The following BUB1 variants were observed in gnomAD, a reference collection of about 807,000 sequenced individuals.
The protein encoded by BUB1 is mitotic checkpoint serine/threonine-protein kinase BUB1.
A neutral mutation model predicts 135.2 loss-of-function variants in BUB1; 84 were observed. The observed-to-expected ratio is 0.62, with a 90% CI of 0.52 to 0.74. The LOEUF (loss-of-function observed/expected upper bound fraction) is 0.74, where lower values mean the gene tolerates loss of function less well. BUB1 is among the 30% of genes least tolerant of loss of function. The pLI is 0.00. For synonymous variants in BUB1, 403 were observed against 434.4 expected, an observed-to-expected ratio of 0.93 and a Z score of 0.90; for missense variants, 1,162 against 1,288.3, an observed-to-expected ratio of 0.90 and a Z score of 1.50.
At chr2:110,661,386 A>G (rs963476463) in intron 10 of BUB1, 196 bp downstream of exon 10, 3 of 620,998 alleles carry the variant, frequency 4.8e-6, no homozygotes, top group Admixed American at 7.0e-5. Context: ...ATATTCTAAA[A>G]GAAGCATGGA....
At chr2:110,657,715 C>CT in intron 13 of BUB1, 70 bp from the exon 14 acceptor site, 3 of 1,123,866 alleles carry the variant, frequency 2.7e-6, no homozygotes, top group Middle Eastern at 2.4e-4. Flanking sequence ...TAAACTTCAA[C>CT]TACAAATAAG....
chr2:110,656,981 G>T lies in BUB1; in HGVS notation c.1698+55C>A. 5.2e-6 allele frequency: 7 copies of T among 1,339,084 alleles called. No homozygotes were observed. The South Asian group carries it at 7.8e-5, about 15-fold the overall frequency. The allele number at this position is 1,339,084 out of a possible 1,614,324, so 83.0% of individuals were successfully genotyped here. ...CTCTGACTGGCATAATCATTTGGTA[G>T]AATAAAGCGGATGGGTTGTAGGACC... On this transcript the variant is annotated intron_variant, in intron 15 of 24. Transcript: ENST00000302759.
At chr2:110,661,442 T>G in intron 10 of BUB1, 140 bp downstream of exon 10, 1 of 1,118,856 alleles carries the variant, frequency 8.9e-7, no homozygotes, top group Non-Finnish European at 1.2e-6. Flanking sequence ...CCACTTGCTT[T>G]TTCAACAACA....
chr2:110,655,818 G>A lies in BUB1; in HGVS notation c.1797C>T (p.Asp599=). ...ACGCAAGTTGTGCAGCAGATGTGAA[G>A]TCTCCTGGGCTCTTAGGACTGGGTG... is the stretch of plus-strand genomic sequence containing the variant. The part of the protein sequence containing the change: ...TLAPSPKSPG[D]FTSAAQLAST... Residue 599 remains aspartate, a synonymous_variant, in exon 16 of 25, where the codon GAC becomes GAT. Transcript: ENST00000302759. 6.2e-7 allele frequency: 1 copy of A among 1,613,940 alleles called. No individual in the cohort carries two copies. The highest frequency in any genetic ancestry group is 8.5e-7 in the Non-Finnish European group (1 of 1,179,900).
rs1333428473 is a variant in BUB1, at chr2:110,655,899, A to G, written c.1716T>C (p.Ala572=). The G allele has an allele frequency of 1.2e-6, 2 of 1,613,528 alleles. No individual in the cohort carries two copies. The highest frequency in any genetic ancestry group is 1.1e-5 in the South Asian group (1 of 91,032). Residue 572 remains alanine, a synonymous_variant, in exon 16 of 25, where the codon GCT becomes GCC. Transcript: ENST00000302759. ...PSKPKEEVPH[A]EEFLDDSTVW... The stretch of plus-strand genomic sequence containing the variant: ...CAGTTGAGTCATCCAAAAACTCTTC[A>G]GCATGAGGCACTTCCTCCTATAACA...
At chr2:110,661,899 A>C (rs1690111708) in intron 9 of BUB1, 58 bp from the exon 10 acceptor site, 1 of 1,573,380 alleles carries the variant, frequency 6.4e-7, no homozygotes, top group African/African-American at 1.4e-5. Context: ...GAATACTACT[A>C]ATCAGGCATT....
chr2:110,644,058 C>CAAAAAAAAAAAAAAAAAAAAAAAAAGA (rs58393999), intron 19 of BUB1, among the ~76,000 whole-genome samples: 21 of 39,650 alleles, frequency 5.3e-4, no homozygotes, highest in East Asian at 7.7e-4. Flanking sequence ...AACTGAAATG[C>CAAAAAAAAAAAAAAAAAAAAAAAAAGA]AAAAAAAAAA....
chr2:110,645,295 G>A (rs1017565964), intron 19 of BUB1, among the ~76,000 whole-genome samples: 18 of 151,928 alleles, frequency 1.2e-4, no homozygotes, highest in Admixed American at 2.6e-4. Context: ...TTAGCTGGGC[G>A]TGGTGGTGTG....
chr2:110,662,225 G>T (rs1034814709), intron 9 of BUB1, among the ~76,000 whole-genome samples: 2 of 152,088 alleles, frequency 1.3e-5, no homozygotes, highest in South Asian at 4.2e-4. Flanking sequence ...AATACCCTTA[G>T]ATTGGTATAT....
chr2:110,638,155 G>GA lies in BUB1; in HGVS notation c.3066dup (p.Pro1023SerfsTer8). 1 of 1,590,370 alleles carries GA rather than the reference G, an allele frequency of 6.3e-7. No homozygotes were observed. The highest frequency in any genetic ancestry group is 8.6e-7 in the Non-Finnish European group (1 of 1,169,312). Reference sequence around the variant, plus strand: ...AATTCATTCCACATATCCAAATGAGGAAGCCTGAAAAAGACAAAGCATAAA... The same window carrying GA: ...AATTCATTCCACATATCCAAATGAGGAAAGCCTGAAAAAGACAAAGCATAAA... On this transcript the variant is annotated frameshift_variant, in exon 25 of 25. Coordinates refer to ENST00000302759, the MANE Select transcript of BUB1 (RefSeq NM_004336.5). LOFTEE classifies it high-confidence loss of function.
Position 110,649,353 on chromosome 2 carries a change from TC to T in BUB1, c.2227del (p.Asp743MetfsTer4). The T allele has an allele frequency of 6.3e-7, 1 of 1,585,790 alleles. No individual in the cohort carries two copies. Among genetic ancestry groups the T allele is most frequent in the Non-Finnish European group, 8.6e-7 (1 of 1,168,672 alleles). The stretch of plus-strand genomic sequence containing the variant: ...TAAAAGTTTGAAAATCAGCTTATCA[TC>T]CCATGGGTTCCCAACAATGAAGTCT... ...APNFIVGNPW[D>X]DKLIFKLLSG... On this transcript the variant is annotated frameshift_variant, in exon 19 of 25. Transcript: ENST00000302759. LOFTEE classifies it high-confidence loss of function.
At chr2:110,670,029 C>T (rs1690374379) in intron 5 of BUB1, among the ~76,000 whole-genome samples, 1 of 150,920 alleles carries the variant, frequency 6.6e-6, no homozygotes, top group South Asian at 2.1e-4. Flanking sequence ...AAGACAAAGC[C>T]TCTGCTCTTT....
chr2:110,663,168 TG>T (rs1690146058), intron 9 of BUB1, among the ~76,000 whole-genome samples: 1 of 152,052 alleles, frequency 6.6e-6, no homozygotes, highest in Non-Finnish European at 1.5e-5. Flanking sequence ...TAATCCCAGC[TG>T]CTCAGGAGGC....
chr2:110,659,956 A>C, intron 11 of BUB1, 22 bp downstream of exon 11: 3 of 1,595,958 alleles, frequency 1.9e-6, no homozygotes, highest in Non-Finnish European at 2.6e-6. Context: ...ACAGAAACAC[A>C]TTTATTATAA....
At chr2:110,646,881 T>G (rs1187013178) in intron 19 of BUB1, among the ~76,000 whole-genome samples, 2 of 151,668 alleles carry the variant, frequency 1.3e-5, no homozygotes, top group African/African-American at 2.4e-5. Context: ...ATAAAAGAAA[T>G]AAACATTACA....
At position 110,678,057 on chromosome 2, in the gene BUB1, T is replaced by C; in HGVS notation, c.-62A>G. On this transcript the variant is annotated 5_prime_UTR_variant, in exon 1 of 25. Coordinates refer to ENST00000302759, the MANE Select transcript of BUB1 (RefSeq NM_004336.5). ...ACCGCAAACTAGAAGCCGCCGCCGA[T>C]TCGAATACCCCGCGCAGCCGCAGTC... 1 of 1,553,710 alleles carries C rather than the reference T, an allele frequency of 6.4e-7. No homozygotes were observed. The highest frequency in any genetic ancestry group is 8.7e-7 in the Non-Finnish European group (1 of 1,151,260).
chr2:110,649,409 G>T, intron 18 of BUB1, 32 bp from the exon 19 acceptor site: 1 of 1,491,450 alleles, frequency 6.7e-7, no homozygotes, highest in South Asian at 1.3e-5. Context: ...AAAAAAAAGG[G>T]AACATGAATT....
At chr2:110,663,617 G>A (rs1690157701) in intron 9 of BUB1, among the ~76,000 whole-genome samples, 1 of 152,208 alleles carries the variant, frequency 6.6e-6, no homozygotes, top group Non-Finnish European at 1.5e-5. Context: ...TGTTGAAGGA[G>A]GCTAGGAGCG....
intron 16 of BUB1, 78 bp downstream of exon 16, chr2:110,655,661 C>G: frequency 7.6e-7 from 1 of 1,309,678 alleles, no homozygotes; most frequent in Middle Eastern, 2.0e-4. Context: ...AAGAAAACTA[C>G]AAGAATCAAA....
Sources: gnomAD v4.1 joint callset for allele counts (sites outside exome capture counted in the v4.1 genomes callset) on GRCh38, gnomAD v4.1.1 for gene constraint, MANE v1.5 for transcripts, NCBI Gene and HGNC (gene_info 2026-07-23, HGNC 2026-07-21) for gene names.